The following FAM20C variants were observed in gnomAD, a reference collection of about 807,000 sequenced individuals.
The protein encoded by FAM20C is extracellular serine/threonine protein kinase FAM20C.
In FAM20C, 40 loss-of-function variants were observed where a neutral mutation model predicts 51.5. The observed-to-expected ratio is 0.78, with a 90% CI of 0.60 to 1.01. The LOEUF is 1.01. FAM20C is among the 50% of genes least tolerant of loss of function. The pLI is 0.00. For synonymous variants in FAM20C, 406 were observed against 380.6 expected, an observed-to-expected ratio of 1.07 and a Z score of -0.78; for missense variants, 861 against 844.7, an observed-to-expected ratio of 1.02 and a Z score of -0.24.
At chr7:210,922 C>G (rs1345280790) in intron 3 of FAM20C, among the ~76,000 whole-genome samples, 1 of 152,260 alleles carries the variant, frequency 6.6e-6, no homozygotes, top group East Asian at 1.9e-4. Context: ...CCGGCCTGTG[C>G]TTGGGGTTTA....
chr7:249,313 G>A (rs1031033379), intron 5 of FAM20C, among the ~76,000 whole-genome samples: 5 of 152,252 alleles, frequency 3.3e-5, no homozygotes, highest in Non-Finnish European at 7.3e-5. Context: ...ATACAGGATG[G>A]CCTGAACGTT....
Position 246,568 on chromosome 7 carries a change from A to G in FAM20C, c.956+61A>G, listed in dbSNP as rs146778412. ...GTGCGCTCAGACCCACCGGTGAGTG[A>G]GGCCGTCCTGCACTGGACACAGCAG... On this transcript the variant is annotated intron_variant, in intron 4 of 9. Transcript: ENST00000313766. 578,917 of 1,211,468 alleles carry G rather than the reference A, an allele frequency of 0.48. 141,829 individuals are homozygous for G. The highest frequency in any genetic ancestry group is 0.73 in the African/African-American group (44,706 of 61,356). 75.0% of individuals were successfully genotyped at this position (1,211,468 alleles called of 1,614,324 possible).
chr7:211,547 G>A (rs1468706221), intron 3 of FAM20C, among the ~76,000 whole-genome samples: 2 of 152,024 alleles, frequency 1.3e-5, no homozygotes, highest in Non-Finnish European at 2.9e-5. Context: ...GGGCAGAGGT[G>A]GCGCCAGGCT....
At chr7:227,297 G>T (rs960189963) in intron 3 of FAM20C, among the ~76,000 whole-genome samples, 6 of 151,926 alleles carry the variant, frequency 3.9e-5, no homozygotes, top group African/African-American at 1.5e-4. Flanking sequence ...CATTTTCCTC[G>T]TACTGGGGAC....
chr7:211,968 C>T (rs28533995), intron 3 of FAM20C, among the ~76,000 whole-genome samples: 25 of 152,176 alleles, frequency 1.6e-4, no homozygotes, highest in Non-Finnish European at 3.5e-4. Flanking sequence ...GGCTGGTGCC[C>T]GACCCTCCTT....
intron 3 of FAM20C, among the ~76,000 whole-genome samples, chr7:211,111 C>A (rs1264994564): frequency 6.7e-6 from 1 of 150,018 alleles, no homozygotes. Flanking sequence ...TCCGCCTCCC[C>A]CAGCCTTCTC....
At position 200,095 on chromosome 7, in the gene FAM20C, C is replaced by T. The variant is rs117028165; in HGVS notation, c.784+4363C>T. 7.5e-3 allele frequency among the ~76,000 whole-genome samples: 1,135 copies of T among 152,300 alleles called. 22 individuals carry two copies. The highest frequency in any genetic ancestry group is 0.057 in the East Asian group (293 of 5,166). On this transcript the variant is annotated intron_variant, in intron 2 of 9. Transcript: ENST00000313766. ...TGAGCTTCAAGGAACAAAGGGCTTC[C>T]GCTGGGTCAGCCCACGAGAGGGAGC...
chr7:258,178 CT>C (rs1562401558), intron 8 of FAM20C, among the ~76,000 whole-genome samples: 2 of 120,068 alleles, frequency 1.7e-5, no homozygotes, highest in East Asian at 2.4e-4. Context: ...GACCCACTGC[CT>C]GAGGTGCTGG....
chr7:247,431 G>A (rs891978089), intron 4 of FAM20C, among the ~76,000 whole-genome samples: 2 of 152,186 alleles, frequency 1.3e-5, no homozygotes, highest in South Asian at 2.1e-4. Context: ...CCTGGGGTGC[G>A]GCCCCAGGGC....
intron 4 of FAM20C, 124 bp downstream of exon 4, chr7:246,631 G>A (rs894812225): frequency 1.3e-5 from 8 of 629,830 alleles, no homozygotes; most frequent in Admixed American, 8.8e-5. Flanking sequence ...AGGCAGCGCC[G>A]GTGCCTGCTC....
chr7:196,665 A>C (rs1449274743), intron 2 of FAM20C, among the ~76,000 whole-genome samples: 1 of 152,166 alleles, frequency 6.6e-6, no homozygotes, highest in East Asian at 1.9e-4. Context: ...TGGTGCTGAA[A>C]GGGTCCCAGC....
At chr7:198,365 G>T (rs1472098515) in intron 2 of FAM20C, among the ~76,000 whole-genome samples, 1 of 152,190 alleles carries the variant, frequency 6.6e-6, no homozygotes, top group Non-Finnish European at 1.5e-5. Context: ...ACACAGAGAA[G>T]GTTATAATCT....
At position 258,484 on chromosome 7, in the gene FAM20C, G is replaced by GGC. The variant is rs1439874773; in HGVS notation, c.1446-162_1446-161insGC. Among the ~76,000 whole-genome samples, 9 of 131,100 alleles carry GGC rather than the reference G, an allele frequency of 6.9e-5. No individual in the cohort carries two copies. In the East Asian group the frequency reaches 7.1e-4, roughly 10 times the overall value. The allele number at this position is 131,100 out of a possible 152,430, so 86.0% of individuals were successfully genotyped here. On this transcript the variant is annotated intron_variant, in intron 8 of 9. Coordinates refer to ENST00000313766, the MANE Select transcript of FAM20C (RefSeq NM_020223.4). Reference sequence around the variant, plus strand: ...CCACTGCCTGGGGTGCTGGAGATGGGTGGGATGGACCCACTGCCCGGGGTG... The same window carrying GGC: ...CCACTGCCTGGGGTGCTGGAGATGGGGCTGGGATGGACCCACTGCCCGGGGTG...
At chr7:245,227 C>G (rs1788104926) in intron 3 of FAM20C, among the ~76,000 whole-genome samples, 1 of 152,226 alleles carries the variant, frequency 6.6e-6, no homozygotes, top group African/African-American at 2.4e-5. Flanking sequence ...GTGTTGGAGC[C>G]CAGACGGAAC....
intron 3 of FAM20C, among the ~76,000 whole-genome samples, chr7:231,949 C>A (rs1164382740): frequency 1.3e-5 from 2 of 152,228 alleles, no homozygotes; most frequent in African/African-American, 2.4e-5. Context: ...GCCCCAGCAC[C>A]CGCCCCTGCC....
chr7:211,431 C>T (rs1031538527), intron 3 of FAM20C, among the ~76,000 whole-genome samples: 3 of 151,498 alleles, frequency 2.0e-5, no homozygotes, highest in African/African-American at 7.3e-5. Context: ...CCCCAGGCCT[C>T]CCCAAACCTC....
In FAM20C at chr7:208,903, A is replaced by C. The variant is rs1022394315; in HGVS notation, c.790A>C (p.Lys264Gln). The C allele has an allele frequency of 6.4e-7, 1 of 1,573,254 alleles. No homozygotes were observed. Among genetic ancestry groups the C allele is most frequent in the African/African-American group, 1.4e-5 (1 of 73,932 alleles). The change falls in exon 3 of 10, where the codon AAG (lysine) becomes CAG (glutamine). Residue 264 changes from lysine (K) to glutamine (Q), a missense_variant. Coordinates refer to ENST00000313766, the MANE Select transcript of FAM20C (RefSeq NM_020223.4). ...TCTCTCCCTCCTTCCTGCAGCCATG[A>C]AGTCGGGGGGCACGCAGCTGAAGCT... ...SSQRITSVAMKSGGTQLKLIM... is the reference protein window; with the variant it reads ...SSQRITSVAMQSGGTQLKLIM...
At chr7:202,559 C>T (rs187337540) in intron 2 of FAM20C, among the ~76,000 whole-genome samples, 5 of 139,844 alleles carry the variant, frequency 3.6e-5, no homozygotes, top group Non-Finnish European at 6.1e-5. Flanking sequence ...ATAGAGAGGA[C>T]GGGTAGCTGC....
chr7:209,614 G>A (rs1294892650), intron 3 of FAM20C, among the ~76,000 whole-genome samples: 3 of 152,210 alleles, frequency 2.0e-5, no homozygotes, highest in Non-Finnish European at 4.4e-5. Flanking sequence ...CGTGGTGAGG[G>A]GTGTGTGGAC....
Sources: gnomAD v4.1 joint callset for allele counts (sites outside exome capture counted in the v4.1 genomes callset) on GRCh38, gnomAD v4.1.1 for gene constraint, MANE v1.5 for transcripts, NCBI Gene and HGNC (gene_info 2026-07-23, HGNC 2026-07-21) for gene names.